The following WASF3 variants were observed in gnomAD, a reference collection of about 807,000 sequenced individuals.
The protein encoded by WASF3 is WASP family member 3.
Under a neutral mutation model 46.6 loss-of-function variants are expected in WASF3, and 11 were observed. The observed-to-expected ratio is 0.24, with a 90% CI of 0.15 to 0.39. The LOEUF (loss-of-function observed/expected upper bound fraction) is 0.39. Among genes scored for constraint, WASF3 ranks in the 10% least tolerant of loss-of-function variants. The pLI, the probability that WASF3 is intolerant of heterozygous loss-of-function variation, is 1.00. For missense variants in WASF3, 576 were observed against 669.8 expected, an observed-to-expected ratio of 0.86 and a Z score of 1.55; for synonymous variants, 242 against 259.7, an observed-to-expected ratio of 0.93 and a Z score of 0.65.
chr13:26,603,513 C>T (rs1478324359), intron 1 of WASF3, among the ~76,000 whole-genome samples: 1 of 152,032 alleles, frequency 6.6e-6, no homozygotes, highest in Non-Finnish European at 1.5e-5. Flanking sequence ...GGATATAAAG[C>T]AACTTTAAGC....
At chr13:26,577,545 C>T (rs1044808212) in intron 1 of WASF3, 26 of 1,330,848 alleles carry the variant, frequency 2.0e-5, no homozygotes, top group Non-Finnish European at 2.8e-5. Context: ...CTGAAGAAGC[C>T]CAAGTTTGAA....
At chr13:26,569,582 T>C (rs1879572376) in intron 1 of WASF3, among the ~76,000 whole-genome samples, 1 of 152,178 alleles carries the variant, frequency 6.6e-6, no homozygotes, top group Non-Finnish European at 1.5e-5. Context: ...GGAAAGATTA[T>C]AGCCTTACAT....
rs772464595 is a variant in WASF3 at position 26,679,536 on chromosome 13, C to T, written c.717-1518C>T. On this transcript the variant is annotated intron_variant, in intron 7 of 9. Coordinates refer to ENST00000335327, the MANE Select transcript of WASF3 (RefSeq NM_006646.6). The surrounding 1 kb of genome is among the most constrained non-coding windows in gnomAD (Gnocchi z 4.8). ...AGTTATGCCACAGTATTTATAGTTTCCTACCCTCATCTCATCAGAAAGCTG... is the reference window on the plus strand; with the variant it reads ...AGTTATGCCACAGTATTTATAGTTTTCTACCCTCATCTCATCAGAAAGCTG... Among the ~76,000 whole-genome samples, 4 of 152,164 alleles carry T rather than the reference C, an allele frequency of 2.6e-5. No individual in the cohort carries two copies. Among genetic ancestry groups the T allele is most frequent in the Non-Finnish European group, 4.4e-5 (3 of 68,034 alleles).
At position 26,617,051 on chromosome 13, in the gene WASF3, T is replaced by G. The variant is rs547350018; in HGVS notation, c.-11+3993T>G. 7.2e-5 allele frequency among the ~76,000 whole-genome samples: 11 copies of G among 152,346 alleles called. No homozygotes were observed. In the South Asian group the frequency reaches 2.1e-3, roughly 29 times the overall value. On this transcript the variant is annotated intron_variant, in intron 2 of 9. Coordinates refer to ENST00000335327, the MANE Select transcript of WASF3 (RefSeq NM_006646.6). ...TTCTGTGTGATTGCAGTTAACTTTTTTGTGTGACCTAATTCATAGCTTTTT... is the reference window on the plus strand; with the variant it reads ...TTCTGTGTGATTGCAGTTAACTTTTGTGTGTGACCTAATTCATAGCTTTTT...
intron 1 of WASF3, among the ~76,000 whole-genome samples, chr13:26,592,293 G>T (rs1162356965): frequency 6.6e-6 from 1 of 151,922 alleles, no homozygotes; most frequent in Non-Finnish European, 1.5e-5. Context: ...AAATATTTTT[G>T]TTTTTTTGCG....
chr13:26,677,144 T>G (rs188734931), intron 7 of WASF3, among the ~76,000 whole-genome samples: 129 of 152,356 alleles, frequency 8.5e-4, no homozygotes, highest in African/African-American at 3.0e-3. Flanking sequence ...GTACCTTCAT[T>G]GTTCCTTTAG....
chr13:26,646,815 T>G (rs1467962187), intron 3 of WASF3, among the ~76,000 whole-genome samples: 1 of 152,190 alleles, frequency 6.6e-6, no homozygotes. Context: ...AGACCAGGAC[T>G]CCACAGGGAG....
chr13:26,601,847 G>A (rs963905503), intron 1 of WASF3, among the ~76,000 whole-genome samples: 5 of 152,200 alleles, frequency 3.3e-5, no homozygotes, highest in African/African-American at 7.2e-5. Flanking sequence ...TGAGGATGTG[G>A]CCTGTCATCT....
At chr13:26,670,643 C>T (rs1326132107) in intron 5 of WASF3, among the ~76,000 whole-genome samples, 1 of 152,106 alleles carries the variant, frequency 6.6e-6, no homozygotes, top group East Asian at 1.9e-4. Context: ...TTTTTCTAGA[C>T]CTCTACCTAT....
At chr13:26,544,480 TG>T in the WASF3 span, among the ~76,000 whole-genome samples, 4 of 152,184 alleles carry the variant, frequency 2.6e-5, no homozygotes, top group African/African-American at 9.7e-5. Context: ...TCAGAGGGAA[TG>T]GGAGCCGCCA....
At chr13:26,569,447 G>C (rs1033222811) in intron 1 of WASF3, among the ~76,000 whole-genome samples, 1 of 152,132 alleles carries the variant, frequency 6.6e-6, no homozygotes, top group Admixed American at 6.6e-5. Flanking sequence ...CCTTTTCTAA[G>C]TATCCCATGA....
intron 2 of WASF3, among the ~76,000 whole-genome samples, chr13:26,618,051 C>G (rs1881189287): frequency 6.6e-6 from 1 of 152,138 alleles, no homozygotes; most frequent in Non-Finnish European, 1.5e-5. Context: ...TCTAAATTAC[C>G]CAGTCTTGGG....
intron 6 of WASF3, among the ~76,000 whole-genome samples, chr13:26,673,060 C>A (rs915734890): frequency 2.0e-5 from 3 of 152,096 alleles, no homozygotes; most frequent in Non-Finnish European, 2.9e-5. Flanking sequence ...AGATACCAAT[C>A]TTTTGAGTGG....
chr13:26,668,136 T>C (rs754228051), intron 5 of WASF3, among the ~76,000 whole-genome samples: 1 of 152,186 alleles, frequency 6.6e-6, no homozygotes, highest in Admixed American at 6.5e-5. Context: ...AGTGAAAATA[T>C]AGTCAGCAAA....
rs145495839 is a variant in WASF3, at chr13:26,599,890, G to A, written c.-108-13071G>A. Among the ~76,000 whole-genome samples, 64 of 152,296 alleles carry A rather than the reference G, an allele frequency of 4.2e-4. 1 individual carries two copies. The highest frequency in any genetic ancestry group is 1.4e-3 in the African/African-American group (59 of 41,574). ...GGATTTGATTCATTGAGGCAAAGTG[G>A]ATAAAATATTTCCAAAAGGCATCAT... is the stretch of plus-strand genomic sequence containing the variant. On this transcript the variant is annotated intron_variant, in intron 1 of 9. Transcript: ENST00000335327.
In WASF3 at chr13:26,642,319, G is replaced by C; in HGVS notation, c.49G>C (p.Ala17Pro). 6.2e-7 allele frequency: 1 copy of C among 1,609,296 alleles called. No homozygotes were observed. Among genetic ancestry groups the C allele is most frequent in the Non-Finnish European group, 8.5e-7 (1 of 1,178,276 alleles). The change falls in exon 3 of 10, where the codon GCT becomes CCT. Residue 17 changes from alanine to proline, a missense_variant. Physicochemically the swap from Ala to Pro is conservative, Grantham distance 27. Coordinates refer to ENST00000335327, the MANE Select transcript of WASF3 (RefSeq NM_006646.6). ...TGAGCCCCGGCACTTGTGCCGGGGA[G>C]CTCTGCCTGAAGGGATTACCAGCGA... ...NIEPRHLCRG[A>P]LPEGITSELE... is the part of the protein sequence containing the mutation.
At chr13:26,644,687 C>G (rs1023596418) in intron 3 of WASF3, among the ~76,000 whole-genome samples, 1 of 152,146 alleles carries the variant, frequency 6.6e-6, no homozygotes, top group Admixed American at 6.5e-5. Flanking sequence ...ATTTGCTAGT[C>G]TCTTATGAGA....
intron 5 of WASF3, 67 bp downstream of exon 5, chr13:26,667,737 A>G: frequency 6.7e-7 from 1 of 1,485,790 alleles, no homozygotes; most frequent in African/African-American, 1.4e-5. Context: ...GCTGGGAGCA[A>G]GCTGATGCAT....
At chr13:26,558,114 G>A (rs891678834) in intron 1 of WASF3, among the ~76,000 whole-genome samples, 1 of 151,726 alleles carries the variant, frequency 6.6e-6, no homozygotes, top group Admixed American at 6.6e-5. Flanking sequence ...CCGGCCCTTT[G>A]CCGTCCGGTG....
Sources: gnomAD v4.1 joint callset for allele counts (sites outside exome capture counted in the v4.1 genomes callset) on GRCh38, gnomAD v4.1.1 for gene constraint, Gnocchi (gnomAD v3.1) non-coding constraint, MANE v1.5 for transcripts, NCBI Gene and HGNC (gene_info 2026-07-23, HGNC 2026-07-21) for gene names.